CLSTN2: variants seen among roughly 807,000 people sequenced by gnomAD.
CLSTN2 encodes the protein calsyntenin-2.
Under a neutral mutation model 101.2 loss-of-function variants are expected in CLSTN2, and 48 were observed. The ratio of observed to expected loss-of-function variants is 0.47; its 90% confidence interval spans 0.38 to 0.60. CLSTN2 has a LOEUF of 0.60. Ranked by LOEUF, CLSTN2 falls within the 20% of genes least tolerant of loss-of-function variation. The pLI, the probability that CLSTN2 is intolerant of heterozygous loss-of-function variation, is 0.00. For synonymous variants in CLSTN2, 481 were observed against 463.6 expected (o/e 1.04, Z -0.48); for missense variants, 1,160 against 1,238.2 (o/e 0.94, Z 0.95).
chr3:140,108,981 G>A (rs1376135524), intron 1 of CLSTN2, among the ~76,000 whole-genome samples: 3 of 152,190 alleles, frequency 2.0e-5, no homozygotes, highest in Non-Finnish European at 4.4e-5. Flanking sequence ...AAGATAGGAA[G>A]GTGTGCCTCA....
intron 2 of CLSTN2, among the ~76,000 whole-genome samples, chr3:140,204,479 C>T (rs924796325): frequency 3.3e-5 from 5 of 152,214 alleles, no homozygotes; most frequent in Admixed American, 2.6e-4. Context: ...CTAGTATCTG[C>T]CACATAATCA....
intron 1 of CLSTN2, among the ~76,000 whole-genome samples, chr3:139,973,071 T>A (rs147937732): frequency 8.5e-5 from 13 of 152,352 alleles, no homozygotes; most frequent in African/African-American, 3.1e-4. Flanking sequence ...AAACTGCTCC[T>A]TATTTGGTGC....
intron 2 of CLSTN2, among the ~76,000 whole-genome samples, chr3:140,192,742 A>G (rs2010586771): frequency 6.6e-6 from 1 of 151,788 alleles, no homozygotes; most frequent in Non-Finnish European, 1.5e-5. Context: ...ATGTTTTTCA[A>G]TCTACTCTGC....
At chr3:139,983,696 GTTAA>G (rs1216328806) in intron 1 of CLSTN2, among the ~76,000 whole-genome samples, 1 of 151,712 alleles carries the variant, frequency 6.6e-6, no homozygotes, top group Non-Finnish European at 1.5e-5. Flanking sequence ...CAATATTATA[GTTAA>G]TTAAACTATG....
At chr3:140,065,385 CT>C (rs1221215392) in intron 1 of CLSTN2, among the ~76,000 whole-genome samples, 1 of 152,226 alleles carries the variant, frequency 6.6e-6, no homozygotes, top group African/African-American at 2.4e-5. Context: ...CTGAGTTTGA[CT>C]GTCAATGGGA....
At chr3:140,447,951 A>C (rs375550895) in intron 5 of CLSTN2, among the ~76,000 whole-genome samples, 18 of 152,362 alleles carry the variant, frequency 1.2e-4, no homozygotes, top group African/African-American at 4.3e-4. Flanking sequence ...TAATCTGTAC[A>C]ACAAGCCCCC....
chr3:140,277,558 T>G lies in CLSTN2; in HGVS notation c.232+101485T>G, dbSNP rs181170297. On this transcript the variant is annotated intron_variant, in intron 2 of 16. Transcript: ENST00000458420. ...AAGGTTAAGTCTGAAGAATCTTCTA[T>G]TCAATTCTGTTGTAATTAAGAGAAC... Among the ~76,000 whole-genome samples the G allele has an allele frequency of 5.9e-3, 897 of 152,330 alleles. 8 individuals are homozygous for G. Among genetic ancestry groups the G allele is most frequent in the Non-Finnish European group, 6.5e-3 (441 of 68,018 alleles).
At chr3:140,413,121 G>C (rs957467445) in intron 4 of CLSTN2, among the ~76,000 whole-genome samples, 2 of 151,624 alleles carry the variant, frequency 1.3e-5, no homozygotes, top group African/African-American at 4.8e-5. Context: ...TTTTTAAATA[G>C]ATAAACTAAT....
At chr3:140,472,062 T>C (rs1933862700) in intron 8 of CLSTN2, among the ~76,000 whole-genome samples, 1 of 152,162 alleles carries the variant, frequency 6.6e-6, no homozygotes. Context: ...TCTCTGCCCC[T>C]GCCCTACCTC....
At chr3:140,432,176 GTCTCAGATTT>G (rs1559868107) in intron 5 of CLSTN2, among the ~76,000 whole-genome samples, 12 of 70,116 alleles carry the variant, frequency 1.7e-4, no homozygotes, top group African/African-American at 5.7e-4. Flanking sequence ...TCAGATTTCA[GTCTCAGATTT>G]CAGTCTCAGC....
chr3:140,427,615 A>G (rs1027456619), intron 5 of CLSTN2, among the ~76,000 whole-genome samples: 1 of 152,020 alleles, frequency 6.6e-6, no homozygotes, highest in Non-Finnish European at 1.5e-5. Flanking sequence ...CATGGATCTC[A>G]TTACACGTAG....
At chr3:140,285,746 G>A (rs919958287) in intron 2 of CLSTN2, among the ~76,000 whole-genome samples, 3 of 152,116 alleles carry the variant, frequency 2.0e-5, no homozygotes, top group African/African-American at 7.2e-5. Context: ...CAGAATTTCT[G>A]GGCTAAAATA....
At chr3:140,392,544 A>T (rs1018698389) in intron 2 of CLSTN2, among the ~76,000 whole-genome samples, 26 of 152,154 alleles carry the variant, frequency 1.7e-4, no homozygotes, top group African/African-American at 6.3e-4. Flanking sequence ...TAAATTTTTT[A>T]AAAATAAAGT....
intron 1 of CLSTN2, among the ~76,000 whole-genome samples, chr3:139,992,346 C>T (rs1046460707): frequency 1.4e-4 from 21 of 152,122 alleles, no homozygotes; most frequent in Non-Finnish European, 2.8e-4. Context: ...GAAAGAATGC[C>T]TCCTTCTCTT....
intron 1 of CLSTN2, among the ~76,000 whole-genome samples, chr3:140,006,795 G>A (rs1238917746): frequency 6.6e-6 from 1 of 151,808 alleles, no homozygotes; most frequent in East Asian, 1.9e-4. Flanking sequence ...GCAGTGTCTG[G>A]TTTATTATTG....
At chr3:140,554,208 A>C (rs1373066710) in intron 10 of CLSTN2, among the ~76,000 whole-genome samples, 1 of 152,152 alleles carries the variant, frequency 6.6e-6, no homozygotes, top group Non-Finnish European at 1.5e-5. Context: ...TACACATGTG[A>C]TGGTCGAAGG....
intron 2 of CLSTN2, among the ~76,000 whole-genome samples, chr3:140,280,076 A>G (rs1312789851): frequency 6.6e-6 from 1 of 152,234 alleles, no homozygotes; most frequent in Non-Finnish European, 1.5e-5. Flanking sequence ...GGGCCAGACA[A>G]GAGAAGCTCA....
intron 1 of CLSTN2, among the ~76,000 whole-genome samples, chr3:139,957,504 T>A (rs75019043): frequency 3.3e-5 from 5 of 151,104 alleles, no homozygotes; most frequent in African/African-American, 4.9e-5. Context: ...TTTTTTTTTT[T>A]ATCTGAGAAG....
chr3:140,261,816 G>T (rs2086657016), intron 2 of CLSTN2, among the ~76,000 whole-genome samples: 2 of 152,080 alleles, frequency 1.3e-5, no homozygotes, highest in African/African-American at 4.8e-5. Context: ...TTGCTTCTCT[G>T]TAAGCTCTCC....
Sources: gnomAD v4.1 joint callset for allele counts (sites outside exome capture counted in the v4.1 genomes callset) on GRCh38, gnomAD v4.1.1 for gene constraint, MANE v1.5 for transcripts, NCBI Gene and HGNC (gene_info 2026-07-23, HGNC 2026-07-21) for gene names.